The following CIDEA variants were observed in gnomAD, a reference collection of about 807,000 sequenced individuals.
CIDEA encodes the protein cell death inducing DFFA like effector a, also known as lipid transferase CIDEA.
A neutral mutation model predicts 18.2 loss-of-function variants in CIDEA; 10 were observed. That is an observed-to-expected ratio of 0.55 (90% CI 0.34 to 0.93). CIDEA has a LOEUF of 0.93. CIDEA is among the 40% of genes least tolerant of loss of function. The pLI is 0.02. For missense variants in CIDEA, 309 were observed against 293.1 expected (o/e 1.05, Z -0.40); for synonymous variants, 128 against 124.8 (o/e 1.03, Z -0.17).
chr18:12,276,781 C>A (rs1400011572), intron 4 of CIDEA, among the ~76,000 whole-genome samples: 1 of 152,198 alleles, frequency 6.6e-6, no homozygotes, highest in East Asian at 1.9e-4. Context: ...TGTGCGGGTG[C>A]GGCCATCTGC....
intron 1 of CIDEA, among the ~76,000 whole-genome samples, chr18:12,261,048 T>G (rs112631767): frequency 7.2e-5 from 11 of 152,146 alleles, no homozygotes; most frequent in Non-Finnish European, 1.2e-4. Flanking sequence ...GATTTCTGAT[T>G]GTGTTATTTG....
chr18:12,266,917 C>T (rs1002493686), intron 3 of CIDEA, among the ~76,000 whole-genome samples: 12 of 152,134 alleles, frequency 7.9e-5, no homozygotes, highest in East Asian at 1.9e-4. Flanking sequence ...CGTGCCACCA[C>T]GCCTGGCTAA....
chr18:12,274,247 G>T lies in CIDEA; in HGVS notation c.485G>T (p.Arg162Leu), dbSNP rs141768127. 2 of 1,614,154 alleles carry T rather than the reference G, an allele frequency of 1.2e-6. No individual in the cohort carries two copies. Reference protein sequence around the residue: ...YEMYSVSYDIRCTGLKGLLRS... With the variant: ...YEMYSVSYDILCTGLKGLLRS... ...ATGTACTCCGTGTCCTACGACATCCGGTGCACGGGACTCAAGGGCCTGCTG... is the reference window on the plus strand; with the variant it reads ...ATGTACTCCGTGTCCTACGACATCCTGTGCACGGGACTCAAGGGCCTGCTG... The change falls in exon 4 of 5, where the codon CGG (arginine) becomes CTG (leucine). Residue 162 changes from arginine (R) to leucine (L), a missense_variant. Physicochemically the swap from Arg to Leu is moderately radical, Grantham distance 102 (BLOSUM62 -2). Coordinates refer to ENST00000320477, the MANE Select transcript of CIDEA (RefSeq NM_001279.4).
In CIDEA at chr18:12,262,833, C is replaced by T; in HGVS notation, c.47C>T (p.Thr16Ile). 2 of 1,612,682 alleles carry T rather than the reference C, an allele frequency of 1.2e-6. No individual in the cohort carries two copies. The highest frequency in any genetic ancestry group is 1.7e-6 in the Non-Finnish European group (2 of 1,178,946). The change falls in exon 2 of 5, where the codon ACA becomes ATA. Residue 16 changes from threonine to isoleucine, a missense_variant. Transcript: ENST00000320477. ...TTCACCTCCATTTTCAGGCCCCTGACATTTATGGGATCACAGACTAAGCGA... is the reference window on the plus strand; with the variant it reads ...TTCACCTCCATTTTCAGGCCCCTGATATTTATGGGATCACAGACTAAGCGA... Reference protein sequence around the residue: ...DYAGALIRPLTFMGSQTKRVL... With the variant: ...DYAGALIRPLIFMGSQTKRVL...
intron 3 of CIDEA, among the ~76,000 whole-genome samples, chr18:12,266,505 T>C (rs1465257154): frequency 6.6e-6 from 1 of 152,066 alleles, no homozygotes; most frequent in African/African-American, 2.4e-5. Flanking sequence ...GAACTGACTA[T>C]ACAGATTTGA....
At chr18:12,272,272 G>T (rs892139303) in intron 3 of CIDEA, among the ~76,000 whole-genome samples, 2 of 151,980 alleles carry the variant, frequency 1.3e-5, no homozygotes, top group Admixed American at 1.3e-4. Context: ...GAGTGCAGTG[G>T]CGCGATCTCG....
At chr18:12,268,531 G>A (rs1200183610) in intron 3 of CIDEA, among the ~76,000 whole-genome samples, 1 of 151,668 alleles carries the variant, frequency 6.6e-6, no homozygotes, top group East Asian at 1.9e-4. Flanking sequence ...GGGACTACAG[G>A]CATGTGCCAC....
intron 4 of CIDEA, 27 bp downstream of exon 4, chr18:12,274,301 G>T: frequency 6.2e-7 from 1 of 1,610,470 alleles, no homozygotes; most frequent in Non-Finnish European, 8.5e-7. Context: ...GTCACCTCCG[G>T]GGGTCTGCAG....
At chr18:12,255,731 C>G (rs1191812176) in intron 1 of CIDEA, among the ~76,000 whole-genome samples, 2 of 152,196 alleles carry the variant, frequency 1.3e-5, no homozygotes, top group African/African-American at 4.8e-5. Context: ...ACTAACCAAT[C>G]CTGGTTGGCC....
intron 1 of CIDEA, among the ~76,000 whole-genome samples, chr18:12,262,391 A>T (rs1409443060): frequency 6.6e-6 from 1 of 152,078 alleles, no homozygotes; most frequent in African/African-American, 2.4e-5. Flanking sequence ...TTTCTGGCTT[A>T]CCCTTATTGT....
At chr18:12,269,973 C>G (rs1268783013) in intron 3 of CIDEA, among the ~76,000 whole-genome samples, 1 of 152,164 alleles carries the variant, frequency 6.6e-6, no homozygotes, top group Non-Finnish European at 1.5e-5. Flanking sequence ...GTTGGGATTA[C>G]GGGCATAAGC....
At chr18:12,264,234 T>C in intron 2 of CIDEA, 73 bp from the exon 3 acceptor site, 1 of 1,382,934 alleles carries the variant, frequency 7.2e-7, no homozygotes, top group Non-Finnish European at 9.6e-7. Flanking sequence ...AACTGTAACT[T>C]AATAAATGTC....
At chr18:12,261,304 A>C (rs1001152369) in intron 1 of CIDEA, among the ~76,000 whole-genome samples, 4 of 152,104 alleles carry the variant, frequency 2.6e-5, no homozygotes, top group African/African-American at 9.7e-5. Flanking sequence ...GAATTGCTTG[A>C]ACCCAGGAGG....
intron 4 of CIDEA, among the ~76,000 whole-genome samples, chr18:12,276,552 C>T (rs181451462): frequency 1.1e-3 from 171 of 152,328 alleles, no homozygotes; most frequent in Non-Finnish European, 1.5e-3. Flanking sequence ...ATGGAACTCA[C>T]GACAGCCCCC....
intron 2 of CIDEA, among the ~76,000 whole-genome samples, chr18:12,263,259 C>T (rs1419790070): frequency 6.6e-6 from 1 of 152,164 alleles, no homozygotes; most frequent in African/African-American, 2.4e-5. Flanking sequence ...CAGTTTCTTT[C>T]TTGGGTGATG....
chr18:12,276,004 TC>T lies in CIDEA; in HGVS notation c.513-1118del, dbSNP rs201157662. Among the ~76,000 whole-genome samples, 199 of 146,406 alleles carry T rather than the reference TC, an allele frequency of 1.4e-3. 18 individuals carry two copies. Among genetic ancestry groups the T allele is most frequent in the African/African-American group, 4.2e-3 (168 of 40,396 alleles). On this transcript the variant is annotated intron_variant, in intron 4 of 4. Transcript: ENST00000320477. ...TTTCTTTTTCTTTTCTTATTTTTTT[TC>T]TTTTTTGAGACGGAATCTCACTCTG...
intron 3 of CIDEA, among the ~76,000 whole-genome samples, chr18:12,268,797 A>C (rs1422585239): frequency 1.3e-5 from 2 of 152,120 alleles, no homozygotes; most frequent in African/African-American, 2.4e-5. Context: ...AATTCATTAA[A>C]AGTAATAACC....
chr18:12,264,607 G>A (rs1252390512), intron 3 of CIDEA, among the ~76,000 whole-genome samples, 154 bp downstream of exon 3: 1 of 151,496 alleles, frequency 6.6e-6, no homozygotes, highest in Non-Finnish European at 1.5e-5. Context: ...AGGCTGGAGT[G>A]CAGTGGCGCG....
At chr18:12,275,264 A>C (rs117344834) in intron 4 of CIDEA, among the ~76,000 whole-genome samples, 2 of 152,214 alleles carry the variant, frequency 1.3e-5, no homozygotes, top group Admixed American at 1.3e-4. Context: ...CGGAGGTTGC[A>C]GTGAGCTGAG....
Sources: allele counts gnomAD v4.1 joint callset (sites outside exome capture counted in the v4.1 genomes callset), GRCh38; gene constraint gnomAD v4.1.1; transcripts MANE v1.5; gene names NCBI Gene and HGNC (gene_info 2026-07-23, HGNC 2026-07-21).